The following GLYR1 variants were observed in gnomAD, a reference collection of about 807,000 sequenced individuals.
GLYR1 encodes the protein cytokine-like nuclear factor N-PAC.
A neutral mutation model predicts 72.7 loss-of-function variants in GLYR1; 21 were observed. The observed-to-expected ratio is 0.29, with a 90% confidence interval of 0.20 to 0.42. The LOEUF (loss-of-function observed/expected upper bound fraction) is 0.42, where lower values mean the gene tolerates loss of function less well. Among genes scored for constraint, GLYR1 ranks in the 10% least tolerant of loss-of-function variants. The pLI is 1.00. For synonymous variants in GLYR1, 392 were observed against 270.2 expected (o/e 1.45, Z -4.42); for missense variants, 594 against 712.1 (o/e 0.83, Z 1.89).
rs760951961 is a variant in GLYR1, at chr16:4,812,039, G to A, written c.1282+47C>T. ...GACGCTGTCATCAGTGTGAAACAGAGGAGATGTGGCCCCAGGCTCCAGGCC... is the reference window on the plus strand; with the variant it reads ...GACGCTGTCATCAGTGTGAAACAGAAGAGATGTGGCCCCAGGCTCCAGGCC... On this transcript the variant is annotated intron_variant, in intron 13 of 15. Transcript: ENST00000321919. 3.2e-6 allele frequency: 5 copies of A among 1,586,844 alleles called. No individual in the cohort carries two copies. The Admixed American group carries it at 7.2e-5, about 23-fold the overall frequency.
At chr16:4,822,489 C>T (rs1177225208) in intron 7 of GLYR1, among the ~76,000 whole-genome samples, 1 of 151,990 alleles carries the variant, frequency 6.6e-6, no homozygotes, top group Non-Finnish European at 1.5e-5. Flanking sequence ...CTCCCGGGTT[C>T]AAGCAATTCT....
intron 2 of GLYR1, 67 bp downstream of exon 2, chr16:4,846,107 G>T: frequency 6.6e-7 from 1 of 1,511,664 alleles, no homozygotes; most frequent in Non-Finnish European, 9.2e-7. Context: ...TGAGAGGAAT[G>T]CATCTTACAT....
In GLYR1 at chr16:4,811,341, T is replaced by A. The variant is rs776041082; in HGVS notation, c.1463-47A>T. On this transcript the variant is annotated intron_variant, in intron 14 of 15. Coordinates refer to ENST00000321919, the MANE Select transcript of GLYR1 (RefSeq NM_032569.4). ...CAGACAAAAGCCAAGGACCTGAAAC[T>A]AAAAACTACTTACGGTCCACCAGGT... 18 of 1,609,572 alleles carry A rather than the reference T, an allele frequency of 1.1e-5. No individual in the cohort carries two copies. The African/African-American group carries it at 2.1e-4, about 19-fold the overall frequency.
intron 3 of GLYR1, chr16:4,843,732 A>C (rs1478824803): frequency 1.0e-6 from 1 of 963,938 alleles, no homozygotes; most frequent in Non-Finnish European, 1.4e-6. Flanking sequence ...CAGAGAAGCC[A>C]CAGACATTTT....
Position 4,821,413 on chromosome 16 carries a change from G to A in GLYR1, c.773C>T (p.Ala258Val). 6.2e-7 allele frequency: 1 copy of A among 1,613,602 alleles called. No homozygotes were observed. The highest frequency in any genetic ancestry group is 8.5e-7 in the Non-Finnish European group (1 of 1,180,044). ...STSIQAADST[A>V]VNGSITPTDK... ...TGTGGGTGTGATGCTGCCATTCACG[G>A]CTGTGCTGTCAGCTGCCTGGATGGA... The change falls in exon 9 of 16, where the codon GCC (alanine) becomes GTC (valine). Residue 258 changes from alanine to valine, a missense_variant. Coordinates refer to ENST00000321919, the MANE Select transcript of GLYR1 (RefSeq NM_032569.4).
chr16:4,815,605 C>T (rs750711113), intron 10 of GLYR1, among the ~76,000 whole-genome samples: 1 of 152,158 alleles, frequency 6.6e-6, no homozygotes, highest in Non-Finnish European at 1.5e-5. Flanking sequence ...AGTTTTAAGG[C>T]TCTCAACAAA....
chr16:4,843,743 T>G, intron 3 of GLYR1: 1 of 850,380 alleles, frequency 1.2e-6, no homozygotes, highest in Non-Finnish European at 1.6e-6. Flanking sequence ...CAGACATTTT[T>G]TTCAAATCTA....
At chr16:4,832,955 T>C in intron 3 of GLYR1, 43 bp from the exon 4 acceptor site, 2 of 1,559,162 alleles carry the variant, frequency 1.3e-6, no homozygotes, top group Middle Eastern at 1.7e-4. Context: ...CCATATAGCA[T>C]ATGCCCTAAA....
chr16:4,817,659 A>G lies in GLYR1; in HGVS notation c.845T>C (p.Ile282Thr). Residue 282 changes from isoleucine to threonine, a missense_variant, in exon 10 of 16, where the codon ATC becomes ACC. Ile to Thr is a moderately conservative substitution (Grantham distance 89). Around this residue, in one of 5 missense-constraint regions of GLYR1, gnomAD observed 266 missense variants for 358.4 expected, o/e 0.74. Transcript: ENST00000321919. ...FLGLGLMGSG[I>T]VSNLLKMGHT... ...ACCCATTTTTAGCAAGTTGGAGACGATTCCACTTCCCATGAGACCAAGGCC... is the reference window on the plus strand; with the variant it reads ...ACCCATTTTTAGCAAGTTGGAGACGGTTCCACTTCCCATGAGACCAAGGCC... 16 of 1,613,674 alleles carry G rather than the reference A, an allele frequency of 9.9e-6. No individual in the cohort carries two copies. Among genetic ancestry groups the G allele is most frequent in the Non-Finnish European group, 1.4e-5 (16 of 1,179,594 alleles).
chr16:4,842,394 G>C (rs2142049139), intron 3 of GLYR1, among the ~76,000 whole-genome samples: 1 of 152,260 alleles, frequency 6.6e-6, no homozygotes, highest in Admixed American at 6.5e-5. Flanking sequence ...CTGTCACCCA[G>C]ACTGGAGTGC....
intron 9 of GLYR1, among the ~76,000 whole-genome samples, chr16:4,819,734 C>T (rs987731456): frequency 6.6e-6 from 1 of 152,196 alleles, no homozygotes; most frequent in Non-Finnish European, 1.5e-5. Context: ...CCCCTAATCT[C>T]AGCTGGAATA....
intron 12 of GLYR1, 144 bp downstream of exon 12, chr16:4,813,593 A>G: frequency 1.4e-6 from 1 of 708,508 alleles, no homozygotes; most frequent in Non-Finnish European, 2.5e-6. Context: ...GGAGCACGGG[A>G]TAGGCTAGTC....
In GLYR1 at chr16:4,832,145, T is replaced by C; in HGVS notation, c.371A>G (p.Asp124Gly). Residue 124 changes from aspartate (D) to glycine (G), a missense_variant, in exon 5 of 16, where the codon GAT (aspartate) becomes GGT (glycine). Transcript: ENST00000321919. ...SEERSRPNSG[D>G]EKRKLSLSEG... The stretch of plus-strand genomic sequence containing the variant: ...AGACAGGCTAAGTTTGCGCTTCTCA[T>C]CACCTGAGTTTGGCCTACTTCTCTC... The C allele has an allele frequency of 1.2e-6, 2 of 1,614,212 alleles. No homozygotes were observed. Among genetic ancestry groups the C allele is most frequent in the South Asian group, 1.1e-5 (1 of 91,088 alleles).
At chr16:4,821,149 G>A in intron 9 of GLYR1, 2 of 584,996 alleles carry the variant, frequency 3.4e-6, no homozygotes, top group Non-Finnish European at 6.1e-6. Flanking sequence ...TTGCTCTTGA[G>A]TTCTGGAGCC....
intron 15 of GLYR1, among the ~76,000 whole-genome samples, chr16:4,805,730 C>A (rs369833279): frequency 1.3e-3 from 192 of 152,140 alleles, no homozygotes; most frequent in African/African-American, 4.5e-3. Context: ...GTAATCCCAG[C>A]ACTTTAGGAG....
intron 3 of GLYR1, among the ~76,000 whole-genome samples, chr16:4,836,255 A>C (rs189365561): frequency 1.3e-5 from 2 of 152,290 alleles, no homozygotes; most frequent in East Asian, 3.9e-4. Flanking sequence ...GTTCAGGAGG[A>C]TGTACTGCTC....
In GLYR1 at chr16:4,811,767, C is replaced by T. The variant is rs779366601; in HGVS notation, c.1318G>A (p.Val440Met). 8.7e-6 allele frequency: 14 copies of T among 1,613,944 alleles called. No homozygotes were observed. Among genetic ancestry groups the T allele is most frequent in the South Asian group, 3.3e-5 (3 of 91,012 alleles). ...VGNAAKMMLIVNMVQGSFMAT... is the reference protein window; with the variant it reads ...VGNAAKMMLIMNMVQGSFMAT... ...ATGAAGCTCCCTTGGACCATGTTCA[C>T]GATCAGCATCATCTTGGCTGCATTG... Residue 440 changes from valine to methionine, a missense_variant, in exon 14 of 16, where the codon GTG becomes ATG. Val to Met is a conservative substitution (Grantham distance 21). Transcript: ENST00000321919.
chr16:4,839,428 C>T (rs1428747560), intron 3 of GLYR1: 5 of 152,188 alleles, frequency 3.3e-5, no homozygotes, highest in African/African-American at 1.2e-4. Context: ...TCTGTCTCTA[C>T]TCTGATGGGG....
intron 3 of GLYR1, chr16:4,833,131 C>T: frequency 1.3e-5 from 5 of 399,076 alleles, no homozygotes; most frequent in Non-Finnish European, 2.2e-5. Context: ...ATCACCACCA[C>T]TGCAGCAACC....
Sources: gnomAD v4.1 joint callset for allele counts (sites outside exome capture counted in the v4.1 genomes callset) on GRCh38, gnomAD v4.1.1 for gene constraint, gnomAD v4.1.1 regional missense constraint, MANE v1.5 for transcripts, NCBI Gene and HGNC (gene_info 2026-07-23, HGNC 2026-07-21) for gene names.